SH3GL3: variants seen among roughly 807,000 people sequenced by gnomAD.
SH3GL3 encodes the protein SH3 domain containing GRB2 like 3, endophilin A3.
SH3GL3 carries 33 observed loss-of-function variants against 47.7 expected under a neutral mutation model. The ratio of observed to expected loss-of-function variants is 0.69; its 90% CI spans 0.52 to 0.92. SH3GL3 has a LOEUF of 0.92. Among genes scored for constraint, SH3GL3 ranks in the 40% least tolerant of loss-of-function variants. The pLI, the probability that SH3GL3 is intolerant of heterozygous loss-of-function variation, is 0.00. For synonymous variants in SH3GL3, 155 were observed against 148.8 expected (o/e 1.04, Z -0.30); for missense variants, 363 against 417.8 (o/e 0.87, Z 1.14).
chr15:83,602,663 A>G (rs1596336253), intron 8 of SH3GL3, among the ~76,000 whole-genome samples: 1 of 152,304 alleles, frequency 6.6e-6, no homozygotes, highest in East Asian at 1.9e-4. Flanking sequence ...GCCATAGCAA[A>G]TAGGAAATAC....
In SH3GL3 at chr15:83,459,583, A is replaced by G. The variant is rs192891105; in HGVS notation, c.45+12005A>G. On this transcript the variant is annotated intron_variant, in intron 1 of 8. Transcript: ENST00000427482. ...CAGAATATTGATCTACGCCTAGTAA[A>G]AACTTGCAAGAGGATTTGATTTTAA... is the stretch of plus-strand genomic sequence containing the variant. 8.7e-4 allele frequency among the ~76,000 whole-genome samples: 132 copies of G among 152,318 alleles called. 2 individuals carry two copies. The highest frequency in any genetic ancestry group is 3.0e-3 in the Admixed American group (46 of 15,302).
intron 1 of SH3GL3, among the ~76,000 whole-genome samples, chr15:83,529,228 G>A (rs1474736205): frequency 6.6e-6 from 1 of 152,206 alleles, no homozygotes; most frequent in Non-Finnish European, 1.5e-5. Context: ...CCAGCCATTA[G>A]GCTGCTGGGC....
At chr15:83,481,199 C>G (rs758090503) in intron 1 of SH3GL3, among the ~76,000 whole-genome samples, 3 of 150,502 alleles carry the variant, frequency 2.0e-5, no homozygotes, top group Non-Finnish European at 4.4e-5. Flanking sequence ...CGCTTGAACC[C>G]GGGAGGCGGA....
chr15:83,627,109 A>G, the SH3GL3 span, among the ~76,000 whole-genome samples: 1 of 152,164 alleles, frequency 6.6e-6, no homozygotes, highest in Non-Finnish European at 1.5e-5. Context: ...AGATAAGAAG[A>G]AAAGGGGCTG....
chr15:83,592,673 G>C (rs2060138670), intron 8 of SH3GL3, among the ~76,000 whole-genome samples: 1 of 152,208 alleles, frequency 6.6e-6, no homozygotes, highest in South Asian at 2.1e-4. Flanking sequence ...TGTATTTTAA[G>C]CTCGCTGAGG....
intron 1 of SH3GL3, among the ~76,000 whole-genome samples, chr15:83,547,502 CTCTT>C (rs985699063): frequency 6.6e-6 from 1 of 152,186 alleles, no homozygotes; most frequent in African/African-American, 2.4e-5. Context: ...TCTTCAGTGC[CTCTT>C]TCTTGGATAC....
intron 6 of SH3GL3, 87 bp downstream of exon 6, chr15:83,576,828 A>G: frequency 1.1e-6 from 1 of 934,710 alleles, no homozygotes; most frequent in Non-Finnish European, 1.6e-6. Context: ...GAAAAACTCT[A>G]AAGCAGGAGT....
chr15:83,599,809 A>G (rs538074087), intron 8 of SH3GL3, among the ~76,000 whole-genome samples: 1 of 152,304 alleles, frequency 6.6e-6, no homozygotes, highest in African/African-American at 2.4e-5. Context: ...CATTCTTACC[A>G]GCAGTGTAGA....
chr15:83,520,868 G>A (rs2043174863), intron 1 of SH3GL3, among the ~76,000 whole-genome samples: 1 of 152,116 alleles, frequency 6.6e-6, no homozygotes, highest in Non-Finnish European at 1.5e-5. Flanking sequence ...TGGCTTGAGT[G>A]TAGTAATCAT....
At chr15:83,529,009 G>C (rs1301469227) in intron 1 of SH3GL3, among the ~76,000 whole-genome samples, 3 of 152,046 alleles carry the variant, frequency 2.0e-5, no homozygotes. Context: ...TAGGTATAGT[G>C]CCTTAGCTTT....
chr15:83,604,004 C>A (rs1474725773), intron 8 of SH3GL3, among the ~76,000 whole-genome samples: 1 of 152,076 alleles, frequency 6.6e-6, no homozygotes, highest in South Asian at 2.1e-4. Context: ...CATGGTGGCG[C>A]ATGCCTGTAA....
At chr15:83,499,620 C>G (rs2042217796) in intron 1 of SH3GL3, among the ~76,000 whole-genome samples, 1 of 152,192 alleles carries the variant, frequency 6.6e-6, no homozygotes, top group Non-Finnish European at 1.5e-5. Context: ...TAAATGTTTA[C>G]TGAGTGCCTA....
chr15:83,604,788 C>G (rs907361874), intron 8 of SH3GL3, among the ~76,000 whole-genome samples: 2 of 152,118 alleles, frequency 1.3e-5, no homozygotes, highest in Non-Finnish European at 2.9e-5. Context: ...GATCACAGAG[C>G]CAGGAAGTAG....
intron 2 of SH3GL3, among the ~76,000 whole-genome samples, chr15:83,559,734 T>A (rs1389406937): frequency 1.3e-5 from 2 of 152,352 alleles, no homozygotes; most frequent in South Asian, 4.1e-4. Flanking sequence ...CTCCCATGTG[T>A]TGCAGGAGCT....
intron 1 of SH3GL3, among the ~76,000 whole-genome samples, chr15:83,498,078 G>C (rs1171429456): frequency 6.6e-6 from 1 of 152,062 alleles, no homozygotes; most frequent in Non-Finnish European, 1.5e-5. Context: ...TAACCCATGT[G>C]GTCACCTGTT....
At chr15:83,551,230 A>T (rs2044653093) in intron 1 of SH3GL3, among the ~76,000 whole-genome samples, 1 of 152,200 alleles carries the variant, frequency 6.6e-6, no homozygotes, top group South Asian at 2.1e-4. Flanking sequence ...ATGGTGAACA[A>T]GGATTTTATC....
chr15:83,458,280 A>G (rs1317424097), intron 1 of SH3GL3, among the ~76,000 whole-genome samples: 3 of 152,176 alleles, frequency 2.0e-5, no homozygotes, highest in Non-Finnish European at 2.9e-5. Flanking sequence ...AGTTCTAACT[A>G]TTCTAGTTCT....
intron 6 of SH3GL3, among the ~76,000 whole-genome samples, chr15:83,581,495 G>A (rs921206087): frequency 3.9e-5 from 6 of 152,286 alleles, no homozygotes; most frequent in Admixed American, 2.0e-4. Flanking sequence ...CAGAGAGAGC[G>A]GGTGCAGAGA....
intron 1 of SH3GL3, among the ~76,000 whole-genome samples, chr15:83,504,484 CTG>C (rs1231001580): frequency 1.3e-5 from 2 of 152,226 alleles, no homozygotes; most frequent in African/African-American, 4.8e-5. Flanking sequence ...TTATAAAAGA[CTG>C]TGGCTCCCAT....
Sources: allele counts gnomAD v4.1 joint callset (sites outside exome capture counted in the v4.1 genomes callset), GRCh38; gene constraint gnomAD v4.1.1; transcripts MANE v1.5; gene names NCBI Gene and HGNC (gene_info 2026-07-23, HGNC 2026-07-21).